The following WDR48 variants were observed in gnomAD, a reference collection of about 807,000 sequenced individuals.
WDR48 encodes the protein WD repeat domain 48.
Under a neutral mutation model 94.0 loss-of-function variants are expected in WDR48, and 22 were observed. That is an observed-to-expected ratio of 0.23 (90% CI 0.17 to 0.33). WDR48 has a LOEUF of 0.33. Ranked by LOEUF, WDR48 falls within the 10% of genes least tolerant of loss-of-function variation. The probability of loss-of-function intolerance (pLI) is 1.00; values close to 1 mark genes in which losing one functional copy is unlikely to be tolerated. For missense variants in WDR48, 541 were observed against 813.8 expected (o/e 0.66, Z 4.08); for synonymous variants, 278 against 280.5 (o/e 0.99, Z 0.09).
chr3:39,054,133 G>A (rs2032691342), intron 1 of WDR48, among the ~76,000 whole-genome samples: 1 of 152,214 alleles, frequency 6.6e-6, no homozygotes, highest in African/African-American at 2.4e-5. Context: ...CATTGTCTAT[G>A]AGGTGTTTTT....
chr3:39,077,375 A>G (rs1044200515), intron 9 of WDR48, among the ~76,000 whole-genome samples, 162 bp downstream of exon 9: 3 of 152,228 alleles, frequency 2.0e-5, no homozygotes, highest in African/African-American at 7.2e-5. Flanking sequence ...AATCCTAAAG[A>G]TCATACTAAA....
At chr3:39,056,186 A>G (rs1261329648) in intron 1 of WDR48, among the ~76,000 whole-genome samples, 1 of 152,218 alleles carries the variant, frequency 6.6e-6, no homozygotes, top group Non-Finnish European at 1.5e-5. Flanking sequence ...CTTATTGAAG[A>G]TATTGCTTTG....
intron 11 of WDR48, among the ~76,000 whole-genome samples, chr3:39,080,619 C>T (rs2034469387): frequency 6.6e-6 from 1 of 152,162 alleles, no homozygotes; most frequent in Non-Finnish European, 1.5e-5. Context: ...AAAGTCTTTA[C>T]CTTGATCCCC....
At chr3:39,088,076 C>G in intron 14 of WDR48, 52 bp from the exon 15 acceptor site, 1 of 1,548,844 alleles carries the variant, frequency 6.5e-7, no homozygotes, top group Middle Eastern at 1.7e-4. Flanking sequence ...TGTTTAGAAT[C>G]TGTATTTTTA....
intron 1 of WDR48, among the ~76,000 whole-genome samples, chr3:39,062,795 A>G (rs2033352557): frequency 6.6e-6 from 1 of 152,204 alleles, no homozygotes; most frequent in African/African-American, 2.4e-5. Flanking sequence ...TGGACTAAAG[A>G]CTGGGAAAGG....
intron 9 of WDR48, 30 bp from the exon 10 acceptor site, chr3:39,078,107 A>G (rs897416213): frequency 2.4e-5 from 37 of 1,532,412 alleles, no homozygotes; most frequent in Non-Finnish European, 2.8e-5. Context: ...AGAGCATAAC[A>G]TGATCAAATA....
chr3:39,094,919 TC>T lies in WDR48; in HGVS notation c.*178del. Reference sequence around the variant, plus strand: ...TCGAGATGTAATATAGAAACCAGTCTCCATGTGTAGATTAAGCTGTCCCCAG... The same window carrying T: ...TCGAGATGTAATATAGAAACCAGTCTCATGTGTAGATTAAGCTGTCCCCAG... On this transcript the variant is annotated 3_prime_UTR_variant, in exon 19 of 19. Coordinates refer to ENST00000302313, the MANE Select transcript of WDR48 (RefSeq NM_020839.4). The T allele has an allele frequency of 1.2e-6, 1 of 823,800 alleles. No individual in the cohort carries two copies. Among genetic ancestry groups the T allele is most frequent in the Non-Finnish European group, 1.9e-6 (1 of 538,416 alleles). The allele number at this position is 823,800 out of a possible 1,614,324, so 51.0% of individuals were successfully genotyped here. A position where few individuals can be genotyped will look rare whatever the true frequency, so the allele number is the denominator to read the frequency against.
At chr3:39,072,449 C>G (rs1289642923) in intron 7 of WDR48, among the ~76,000 whole-genome samples, 1 of 152,096 alleles carries the variant, frequency 6.6e-6, no homozygotes, top group East Asian at 1.9e-4. Context: ...CACTTATTGC[C>G]CCAGCTTATG....
rs1289626488 is a variant in WDR48 at position 39,095,681 on chromosome 3, C to T, written c.*938C>T. ...GATCATAGTGAGTTAATTTGATATTCATATCCTGGAAGTATACATATTTGT... is the reference window on the plus strand; with the variant it reads ...GATCATAGTGAGTTAATTTGATATTTATATCCTGGAAGTATACATATTTGT... On this transcript the variant is annotated 3_prime_UTR_variant, in exon 19 of 19. Coordinates refer to ENST00000302313, the MANE Select transcript of WDR48 (RefSeq NM_020839.4). 1.3e-5 allele frequency: 2 copies of T among 152,322 alleles called. No individual in the cohort carries two copies. Among genetic ancestry groups the T allele is most frequent in the East Asian group, 3.8e-4 (2 of 5,202 alleles). 9.4% of individuals were successfully genotyped at this position (152,322 alleles called of 1,614,324 possible).
At position 39,078,364 on chromosome 3, in the gene WDR48, G is replaced by C. The variant is rs1211884972; in HGVS notation, c.1075+125G>C. 25 of 682,292 alleles carry C rather than the reference G, an allele frequency of 3.7e-5. 1 individual carries two copies. In the East Asian group the frequency reaches 7.3e-4, roughly 20 times the overall value. The allele number at this position is 682,292 out of a possible 1,614,324, so 42.3% of individuals were successfully genotyped here. A position where few individuals can be genotyped will look rare whatever the true frequency, so the allele number is the denominator to read the frequency against. On this transcript the variant is annotated intron_variant, in intron 10 of 18. Transcript: ENST00000302313. Reference sequence around the variant, plus strand: ...TGATGTAAACAAAAGATAATACATTGGTTTATTTTTAATATAAGGAAAAGG... The same window carrying C: ...TGATGTAAACAAAAGATAATACATTCGTTTATTTTTAATATAAGGAAAAGG...
intron 6 of WDR48, 101 bp from the exon 7 acceptor site, chr3:39,069,542 C>T (rs2033808318): frequency 9.4e-7 from 1 of 1,064,732 alleles, no homozygotes; most frequent in Non-Finnish European, 1.4e-6. Flanking sequence ...GTATTGCCTT[C>T]TCAGAATATA....
intron 13 of WDR48, 36 bp from the exon 14 acceptor site, chr3:39,085,479 T>G: frequency 6.5e-7 from 1 of 1,545,602 alleles, no homozygotes; most frequent in Non-Finnish European, 8.9e-7. Flanking sequence ...TAACTCGCTT[T>G]TCCATTTTAT....
chr3:39,080,597 A>C (rs2034468456), intron 11 of WDR48, among the ~76,000 whole-genome samples: 1 of 152,230 alleles, frequency 6.6e-6, no homozygotes, highest in Non-Finnish European at 1.5e-5. Flanking sequence ...CTTGAGGGTC[A>C]TAAATGATGA....
rs890214236 is a variant in WDR48 at position 39,094,998 on chromosome 3, T to G, written c.*255T>G. On this transcript the variant is annotated 3_prime_UTR_variant, in exon 19 of 19. Transcript: ENST00000302313. ...CCCAAGCAGACTATGTCTTTCAAGA[T>G]GTACAGAAGACTGACAACAGGCCAG... 10 of 524,380 alleles carry G rather than the reference T, an allele frequency of 1.9e-5. No homozygotes were observed. Among genetic ancestry groups the G allele is most frequent in the African/African-American group, 9.5e-5 (5 of 52,532 alleles). 32.5% of individuals were successfully genotyped at this position (524,380 alleles called of 1,614,324 possible). A position where few individuals can be genotyped will look rare whatever the true frequency, so the allele number is the denominator to read the frequency against.
intron 1 of WDR48, among the ~76,000 whole-genome samples, chr3:39,056,568 G>A (rs1462271709): frequency 1.3e-5 from 2 of 152,186 alleles, no homozygotes; most frequent in Non-Finnish European, 2.9e-5. Flanking sequence ...AGGGAGTGGA[G>A]GAAAGAATGA....
intron 16 of WDR48, chr3:39,090,795 CT>C (rs1317708872): frequency 6.6e-6 from 1 of 152,172 alleles, no homozygotes; most frequent in Non-Finnish European, 1.5e-5. Flanking sequence ...GGAATTTAAT[CT>C]TTAGAACCTT....
chr3:39,086,715 G>T (rs2034826445), intron 14 of WDR48, among the ~76,000 whole-genome samples: 1 of 152,212 alleles, frequency 6.6e-6, no homozygotes, highest in Admixed American at 6.5e-5. Flanking sequence ...TTTCCAGTTA[G>T]ATGGGATACT....
chr3:39,092,876 TACACACACACACAC>T (rs3033301), intron 17 of WDR48, among the ~76,000 whole-genome samples: 13 of 146,070 alleles, frequency 8.9e-5, no homozygotes, highest in African/African-American at 2.6e-4. Context: ...CATCTCTGTC[TACACACACACACAC>T]ACACACACAC....
At chr3:39,073,255 C>A (rs1224841559) in intron 7 of WDR48, among the ~76,000 whole-genome samples, 1 of 152,176 alleles carries the variant, frequency 6.6e-6, no homozygotes, top group African/African-American at 2.4e-5. Flanking sequence ...TTTGCTTTAA[C>A]TTTGCTCCTG....
Sources: gnomAD v4.1 joint callset for allele counts (sites outside exome capture counted in the v4.1 genomes callset) on GRCh38, gnomAD v4.1.1 for gene constraint, MANE v1.5 for transcripts, NCBI Gene and HGNC (gene_info 2026-07-23, HGNC 2026-07-21) for gene names.